The following CCSER1 variants were observed in gnomAD, a reference collection of about 807,000 sequenced individuals.
CCSER1 encodes the protein serine-rich coiled-coil domain-containing protein 1.
A neutral mutation model predicts 82.0 loss-of-function variants in CCSER1; 41 were observed. The ratio of observed to expected loss-of-function variants is 0.50; its 90% CI spans 0.39 to 0.65. The LOEUF is 0.65. CCSER1 is among the 30% of genes least tolerant of loss of function. CCSER1 has a pLI of 0.00. For synonymous variants in CCSER1, 414 were observed against 383.9 expected, an observed-to-expected ratio of 1.08 and a Z score of -0.92; for missense variants, 1,119 against 1,064.2, an observed-to-expected ratio of 1.05 and a Z score of -0.72.
intron 10 of CCSER1, among the ~76,000 whole-genome samples, chr4:91,101,235 A>T (rs1725028052): frequency 6.6e-6 from 1 of 152,252 alleles, no homozygotes; most frequent in South Asian, 2.1e-4. Context: ...TACATGAAGA[A>T]ACAGTTCAAC....
At chr4:91,456,787 G>C (rs1756202019) in intron 10 of CCSER1, among the ~76,000 whole-genome samples, 1 of 152,018 alleles carries the variant, frequency 6.6e-6, no homozygotes, top group Admixed American at 6.6e-5. Context: ...TCAGGAACCA[G>C]ACCCACTAAA....
At chr4:91,522,107 C>T (rs548427344) in intron 10 of CCSER1, among the ~76,000 whole-genome samples, 1 of 152,028 alleles carries the variant, frequency 6.6e-6, no homozygotes, top group East Asian at 1.9e-4. Context: ...ATGGCTAGCC[C>T]GTTTTCCCAG....
chr4:90,620,121 G>A (rs949607485), intron 5 of CCSER1, among the ~76,000 whole-genome samples: 7 of 152,018 alleles, frequency 4.6e-5, no homozygotes, highest in African/African-American at 1.7e-4. Context: ...ATAAAATTTT[G>A]GACAAGGAAA....
chr4:91,540,815 C>G (rs1337298561), intron 10 of CCSER1, among the ~76,000 whole-genome samples: 1 of 152,062 alleles, frequency 6.6e-6, no homozygotes, highest in East Asian at 1.9e-4. Flanking sequence ...TTTTGGTTCA[C>G]TGTATTGCCT....
chr4:90,482,057 T>C (rs1453579005), intron 5 of CCSER1, among the ~76,000 whole-genome samples: 5 of 152,200 alleles, frequency 3.3e-5, no homozygotes, highest in Non-Finnish European at 7.3e-5. Context: ...AAGCCTGTTA[T>C]TAGTCTATTC....
chr4:91,415,530 A>G (rs1753307408), intron 10 of CCSER1, among the ~76,000 whole-genome samples: 1 of 152,068 alleles, frequency 6.6e-6, no homozygotes, highest in Non-Finnish European at 1.5e-5. Context: ...CCCATTCTGT[A>G]TGATATGGCT....
intron 7 of CCSER1, 106 bp from the exon 8 acceptor site, chr4:90,815,656 C>T (rs567677255): frequency 5.2e-5 from 35 of 676,228 alleles, no homozygotes; most frequent in African/African-American, 4.9e-4. Context: ...ATTTGAGTTT[C>T]GTTAGTCAGA....
intron 9 of CCSER1, among the ~76,000 whole-genome samples, chr4:91,021,477 A>G (rs1400330402): frequency 6.6e-5 from 10 of 152,206 alleles, no homozygotes; most frequent in Non-Finnish European, 8.8e-5. Flanking sequence ...TTTAATTTGC[A>G]ATGACAAAGT....
rs936595666 is a variant in CCSER1, at chr4:90,403,326, C to T, written c.1603+3197C>T. 4.0e-5 allele frequency among the ~76,000 whole-genome samples: 6 copies of T among 151,500 alleles called. No homozygotes were observed. In the South Asian group the frequency reaches 1.0e-3, roughly 26 times the overall value. ...CATCCCGGCTAAAACGGTGAAACCCCGTCTCTACTAAAAATACAAAAAATT... is the reference window on the plus strand; with the variant it reads ...CATCCCGGCTAAAACGGTGAAACCCTGTCTCTACTAAAAATACAAAAAATT... On this transcript the variant is annotated intron_variant, in intron 4 of 10. Transcript: ENST00000509176.
At chr4:90,301,967 T>C (rs1733227165) in intron 1 of CCSER1, among the ~76,000 whole-genome samples, 1 of 152,150 alleles carries the variant, frequency 6.6e-6, no homozygotes, top group Non-Finnish European at 1.5e-5. Flanking sequence ...TTCAACTGTT[T>C]ATTAGCAAAT....
At chr4:90,422,960 G>T (rs1435272306) in intron 4 of CCSER1, among the ~76,000 whole-genome samples, 1 of 152,070 alleles carries the variant, frequency 6.6e-6, no homozygotes, top group African/African-American at 2.4e-5. Context: ...TTCCATATTC[G>T]ATAATGATGA....
rs767039492 is a variant in CCSER1 at position 90,176,367 on chromosome 4, A to G, written c.-42+48536A>G. Among the ~76,000 whole-genome samples the G allele has an allele frequency of 1.4e-4, 21 of 152,052 alleles. 1 individual carries two copies. The highest frequency in any genetic ancestry group is 3.1e-4 in the Non-Finnish European group (21 of 67,996). Reference sequence around the variant, plus strand: ...AGGATACAGTTTTTGCAACTTCCGCAGAGAAGGCCTGGAGAAGAGGAGGAA... The same window carrying G: ...AGGATACAGTTTTTGCAACTTCCGCGGAGAAGGCCTGGAGAAGAGGAGGAA... On this transcript the variant is annotated intron_variant, in intron 1 of 10. Transcript: ENST00000509176.
chr4:91,173,955 T>C (rs917496058), intron 10 of CCSER1, among the ~76,000 whole-genome samples: 8 of 152,344 alleles, frequency 5.3e-5, no homozygotes, highest in African/African-American at 1.9e-4. Context: ...GTCTTAAAAA[T>C]TGTAGTTTTT....
chr4:91,453,354 T>C (rs1190434271), intron 10 of CCSER1, among the ~76,000 whole-genome samples: 1 of 152,024 alleles, frequency 6.6e-6, no homozygotes, highest in Non-Finnish European at 1.5e-5. Context: ...TTTGCCCCAT[T>C]GTATTTTGAA....
rs552070121 is a variant in CCSER1, at chr4:90,980,220, A to G, written c.2172+56773A>G. Among the ~76,000 whole-genome samples, 8 of 151,952 alleles carry G rather than the reference A, an allele frequency of 5.3e-5. No homozygotes were observed. In the East Asian group the frequency reaches 1.6e-3, roughly 30 times the overall value. On this transcript the variant is annotated intron_variant, in intron 9 of 10. Coordinates refer to ENST00000509176, the MANE Select transcript of CCSER1 (RefSeq NM_001145065.2). ...CTGGCACACAGGTTCCAAAAATGCAAGCTATGTAGTCCTGAGCTCACCAGT... is the reference window on the plus strand; with the variant it reads ...CTGGCACACAGGTTCCAAAAATGCAGGCTATGTAGTCCTGAGCTCACCAGT...
intron 5 of CCSER1, among the ~76,000 whole-genome samples, chr4:90,498,339 C>T (rs545593237): frequency 7.9e-5 from 12 of 152,164 alleles, no homozygotes; most frequent in Admixed American, 2.0e-4. Flanking sequence ...AGACTGTGAT[C>T]GACTGTGCAG....
At chr4:90,913,057 A>G (rs1159087542) in intron 8 of CCSER1, among the ~76,000 whole-genome samples, 2 of 152,210 alleles carry the variant, frequency 1.3e-5, no homozygotes, top group Non-Finnish European at 2.9e-5. Flanking sequence ...AAGTTGGAAA[A>G]CACTCTGCAG....
chr4:90,735,080 TTA>T (rs1229664448), intron 7 of CCSER1, among the ~76,000 whole-genome samples: 4 of 151,952 alleles, frequency 2.6e-5, no homozygotes, highest in South Asian at 2.1e-4. Flanking sequence ...ATTAAAATAA[TTA>T]TATGTTTATT....
intron 6 of CCSER1, among the ~76,000 whole-genome samples, chr4:90,687,737 AC>A (rs1735078123): frequency 6.6e-6 from 1 of 152,080 alleles, no homozygotes; most frequent in Admixed American, 6.6e-5. Flanking sequence ...TACAACAGCC[AC>A]CCCAAACGAG....
Sources: allele counts gnomAD v4.1 joint callset (sites outside exome capture counted in the v4.1 genomes callset), GRCh38; gene constraint gnomAD v4.1.1; transcripts MANE v1.5; gene names NCBI Gene and HGNC (gene_info 2026-07-23, HGNC 2026-07-21).